RBFOX1: variants seen among roughly 807,000 people sequenced by gnomAD.
RBFOX1 encodes the protein RNA binding protein fox-1 homolog 1.
A neutral mutation model predicts 57.7 loss-of-function variants in RBFOX1; 8 were observed. The ratio of observed to expected loss-of-function variants is 0.14; its 90% CI spans 0.08 to 0.25. The LOEUF (loss-of-function observed/expected upper bound fraction) is 0.25, where lower values mean the gene tolerates loss of function less well. Among genes scored for constraint, RBFOX1 ranks in the 10% least tolerant of loss-of-function variants. The pLI, the probability that RBFOX1 is intolerant of heterozygous loss-of-function variation, is 1.00. For missense variants in RBFOX1, 611 were observed against 548.5 expected, an observed-to-expected ratio of 1.11 and a Z score of -1.14; for synonymous variants, 326 against 222.4, an observed-to-expected ratio of 1.47 and a Z score of -4.15.
chr16:7,272,634 A>G (rs534923244), intron 4 of RBFOX1, among the ~76,000 whole-genome samples: 54 of 151,726 alleles, frequency 3.6e-4, no homozygotes, highest in African/African-American at 1.3e-3. Flanking sequence ...CTTCTTCTCC[A>G]TCAATCTGTG....
intron 4 of RBFOX1, among the ~76,000 whole-genome samples, chr16:7,504,229 G>A (rs934029054): frequency 1.5e-4 from 23 of 151,978 alleles, no homozygotes; most frequent in Middle Eastern, 3.4e-3. Context: ...CCGTATCATC[G>A]GGCTGTGGGT....
intron 3 of RBFOX1, among the ~76,000 whole-genome samples, chr16:6,679,326 A>G (rs2058256164): frequency 1.3e-5 from 2 of 152,118 alleles, no homozygotes; most frequent in African/African-American, 2.4e-5. Context: ...GAAGATAACA[A>G]TGACGAGCTT....
At chr16:6,994,685 A>T (rs1373626297) in intron 3 of RBFOX1, among the ~76,000 whole-genome samples, 1 of 152,114 alleles carries the variant, frequency 6.6e-6, no homozygotes, top group Non-Finnish European at 1.5e-5. Context: ...CTCCACCCGA[A>T]AGGATCCTGG....
chr16:5,687,325 AGGTGT>A (rs1264896337), intron 3 of RBFOX1, among the ~76,000 whole-genome samples: 1 of 152,054 alleles, frequency 6.6e-6, no homozygotes, highest in African/African-American at 2.4e-5. Context: ...AGAGAGACAA[AGGTGT>A]GTAGAGTCGC....
At chr16:5,448,326 G>A (rs1479680842) in intron 1 of RBFOX1, among the ~76,000 whole-genome samples, 1 of 152,130 alleles carries the variant, frequency 6.6e-6, no homozygotes, top group African/African-American at 2.4e-5. Flanking sequence ...GTCAAAGAGA[G>A]AAAGGAAACA....
chr16:7,680,028 C>A (rs117467401), intron 14 of RBFOX1, among the ~76,000 whole-genome samples: 1 of 152,136 alleles, frequency 6.6e-6, no homozygotes, highest in African/African-American at 2.4e-5. Flanking sequence ...CAAAGGAGAG[C>A]GTTTCCTGAG....
chr16:7,279,921 A>G (rs2095508478), intron 4 of RBFOX1, among the ~76,000 whole-genome samples: 1 of 152,140 alleles, frequency 6.6e-6, no homozygotes, highest in African/African-American at 2.4e-5. Flanking sequence ...ATCAGGTATG[A>G]CCTTTGAGAA....
At chr16:6,270,380 T>G (rs1355850702) in intron 1 of RBFOX1, among the ~76,000 whole-genome samples, 2 of 145,446 alleles carry the variant, frequency 1.4e-5, no homozygotes, top group Non-Finnish European at 3.0e-5. Flanking sequence ...AGTAAAAGGA[T>G]GGAAAAAAGA....
intron 4 of RBFOX1, among the ~76,000 whole-genome samples, chr16:7,259,701 T>C (rs943407895): frequency 1.3e-5 from 2 of 152,226 alleles, no homozygotes; most frequent in Non-Finnish European, 2.9e-5. Context: ...CTGATGTTTA[T>C]ACATCACTCA....
upstream of RBFOX1, among the ~76,000 whole-genome samples, chr16:6,017,059 A>T (rs1020703264): frequency 5.3e-5 from 8 of 152,238 alleles, no homozygotes; most frequent in Non-Finnish European, 1.0e-4. Context: ...GAGCAGACTC[A>T]AGCTGAACTT....
chr16:6,886,300 G>A (rs568875951), intron 3 of RBFOX1, among the ~76,000 whole-genome samples: 65 of 151,982 alleles, frequency 4.3e-4, no homozygotes, highest in Non-Finnish European at 7.5e-4. Context: ...GACCTCACGT[G>A]ATCTGCCCAC....
intron 2 of RBFOX1, among the ~76,000 whole-genome samples, chr16:5,551,552 C>T (rs2045465397): frequency 6.6e-6 from 1 of 152,192 alleles, no homozygotes; most frequent in Non-Finnish European, 1.5e-5. Flanking sequence ...GACTGTGTTC[C>T]ATCAAGGGTG....
chr16:7,154,338 C>A (rs908116884), intron 4 of RBFOX1, among the ~76,000 whole-genome samples: 2 of 152,208 alleles, frequency 1.3e-5, no homozygotes, highest in Non-Finnish European at 2.9e-5. Context: ...ACTCATCCAT[C>A]TCTGCCTGGG....
chr16:6,995,742 T>C (rs975498275), intron 3 of RBFOX1, among the ~76,000 whole-genome samples: 1 of 151,942 alleles, frequency 6.6e-6, no homozygotes, highest in Non-Finnish European at 1.5e-5. Context: ...GCCTGGGCCA[T>C]AGAGTGAGAC....
At chr16:7,170,696 G>C (rs1190552902) in intron 4 of RBFOX1, among the ~76,000 whole-genome samples, 1 of 152,106 alleles carries the variant, frequency 6.6e-6, no homozygotes, top group Non-Finnish European at 1.5e-5. Context: ...TTTGGGTTTG[G>C]TTTCTGCTGT....
At chr16:5,713,335 G>C (rs1352299533) in intron 3 of RBFOX1, among the ~76,000 whole-genome samples, 1 of 152,186 alleles carries the variant, frequency 6.6e-6, no homozygotes, top group Non-Finnish European at 1.5e-5. Flanking sequence ...AAGGGAGTCA[G>C]GGACTTAAGT....
At chr16:5,902,840 A>G (rs896743613) in intron 4 of RBFOX1, among the ~76,000 whole-genome samples, 1 of 152,182 alleles carries the variant, frequency 6.6e-6, no homozygotes, top group Non-Finnish European at 1.5e-5. Context: ...CTAAAAGTGT[A>G]TCATTCACAA....
rs1423953996 is a variant in RBFOX1 at position 6,293,598 on chromosome 16, T to G, written c.-126-23397T>G. ...CAATAAACATCTGTGAGGTAGATGA[T>G]TATGTGATACCTTATGCCGTATCTT... On this transcript the variant is annotated intron_variant, in intron 1 of 15. Coordinates refer to ENST00000550418, the MANE Select transcript of RBFOX1 (RefSeq NM_018723.4). Among the ~76,000 whole-genome samples the G allele has an allele frequency of 2.0e-5, 3 of 152,186 alleles. No homozygotes were observed. The East Asian group carries it at 5.8e-4, about 29-fold the overall frequency.
chr16:6,422,873 C>G (rs2093815185), intron 2 of RBFOX1, among the ~76,000 whole-genome samples: 2 of 152,148 alleles, frequency 1.3e-5, no homozygotes, highest in African/African-American at 4.8e-5. Context: ...CAAACCATGT[C>G]AAATGCTTAG....
Sources: allele counts gnomAD v4.1 joint callset (sites outside exome capture counted in the v4.1 genomes callset), GRCh38; gene constraint gnomAD v4.1.1; transcripts MANE v1.5; gene names NCBI Gene and HGNC (gene_info 2026-07-23, HGNC 2026-07-21).